Variants in MAN2A2 observed in about 807,000 individuals in gnomAD.
The protein encoded by MAN2A2 is alpha-mannosidase 2x.
A neutral mutation model predicts 126.8 loss-of-function variants in MAN2A2; 79 were observed. The observed-to-expected ratio is 0.62, with a 90% CI of 0.52 to 0.75. The LOEUF (loss-of-function observed/expected upper bound fraction) is 0.75. MAN2A2 is among the 30% of genes least tolerant of loss of function. MAN2A2 has a pLI of 0.00. For missense variants in MAN2A2, 1,392 were observed against 1,522.4 expected (o/e 0.91, Z 1.43); for synonymous variants, 671 against 618.7 (o/e 1.08, Z -1.25).
chr15:90,916,018 G>T, intron 19 of MAN2A2, 105 bp from the exon 20 acceptor site: 1 of 1,336,302 alleles, frequency 7.5e-7, no homozygotes, highest in Non-Finnish European at 1.0e-6. Context: ...TCTGTCTCTC[G>T]AGCTGCGCTT....
At chr15:90,910,386 C>A in intron 10 of MAN2A2, 94 bp downstream of exon 10, 1 of 1,570,604 alleles carries the variant, frequency 6.4e-7, no homozygotes. Flanking sequence ...AATAGATAGG[C>A]CCAGAGGCCA....
At chr15:90,903,982 G>A in intron 1 of MAN2A2, 1 of 608,048 alleles carries the variant, frequency 1.6e-6, no homozygotes, top group Non-Finnish European at 3.0e-6. Context: ...CATAGCACCA[G>A]CCAAAGGAGA....
Position 90,918,075 on chromosome 15 carries a change from C to T in MAN2A2, c.2995-119C>T, listed in dbSNP as rs1266484. Reference sequence around the variant, plus strand: ...CTGGAGCCAGGCGTGCCCTTGAGTCCAGGCACACCAGGAAAGGTCTTTCCA... The same window carrying T: ...CTGGAGCCAGGCGTGCCCTTGAGTCTAGGCACACCAGGAAAGGTCTTTCCA... On this transcript the variant is annotated intron_variant, in intron 20 of 22. Coordinates refer to ENST00000559717, the MANE Select transcript of MAN2A2 (RefSeq NM_006122.4). 5.1e-3 allele frequency: 4,893 copies of T among 952,758 alleles called. 116 individuals carry two copies. The African/African-American group carries it at 0.063, about 12-fold the overall frequency. The allele number at this position is 952,758 out of a possible 1,614,324, so 59.0% of individuals were successfully genotyped here.
In MAN2A2 at chr15:90,916,207, C is replaced by T. The variant is rs778831892; in HGVS notation, c.2945C>T (p.Thr982Ile). 2.4e-5 allele frequency: 39 copies of T among 1,614,048 alleles called. No homozygotes were observed. The Middle Eastern group carries it at 4.9e-4, about 20-fold the overall frequency. Residue 982 changes from threonine (T) to isoleucine (I), a missense_variant, in exon 20 of 23, where the codon ACC becomes ATC. By Grantham distance (89) the Thr-to-Ile change is moderately conservative. Transcript: ENST00000559717. ...CAAGGGCTCAAGGACAACAAGAGAACCTGCAACCGTTTCCGCCTCCTGCTA... is the reference window on the plus strand; with the variant it reads ...CAAGGGCTCAAGGACAACAAGAGAATCTGCAACCGTTTCCGCCTCCTGCTA... ...LGQGLKDNKR[T>I]CNRFRLLLER...
rs538179424 is a variant in MAN2A2, at chr15:90,907,174, A to T, written c.1010-135A>T. ...CCCCTCATGTCTTTCTCCCTGGCCT[A>T]CACACTCTCTCCAGCCCTAGGTCCA... On this transcript the variant is annotated intron_variant, in intron 7 of 22. Coordinates refer to ENST00000559717, the MANE Select transcript of MAN2A2 (RefSeq NM_006122.4). The T allele has an allele frequency of 4.2e-6, 4 of 950,516 alleles. No homozygotes were observed. In the South Asian group the frequency reaches 6.3e-5, roughly 15 times the overall value. 58.9% of individuals were successfully genotyped at this position (950,516 alleles called of 1,614,324 possible). A position where few individuals can be genotyped will look rare whatever the true frequency, so the allele number is the denominator to read the frequency against.
chr15:90,917,918 G>A (rs972116359), intron 20 of MAN2A2: 2 of 409,844 alleles, frequency 4.9e-6, no homozygotes, highest in Non-Finnish European at 9.0e-6. Context: ...ATGGCTGATG[G>A]GAGTGGGTTG....
intron 2 of MAN2A2, 130 bp downstream of exon 2, chr15:90,904,469 C>A: frequency 9.5e-7 from 1 of 1,048,324 alleles, no homozygotes; most frequent in Non-Finnish European, 1.3e-6. Flanking sequence ...AGGAGCCTTC[C>A]TTCCCAATAG....
At chr15:90,911,011 C>T in intron 12 of MAN2A2, 50 bp downstream of exon 12, 2 of 1,543,788 alleles carry the variant, frequency 1.3e-6, no homozygotes, top group Non-Finnish European at 1.8e-6. Context: ...GTGCAGGTCC[C>T]ATCCCAAGAG....
At chr15:90,916,465 A>G in intron 20 of MAN2A2, 1 of 1,116,778 alleles carries the variant, frequency 9.0e-7, no homozygotes, top group Non-Finnish European at 1.3e-6. Flanking sequence ...GCGCTCTGTC[A>G]CCTGTGCCCC....
rs768477616 is a variant in MAN2A2, at chr15:90,904,204, C to A, written c.-4C>A. ...CTTCCTGCCAGGTGTGTGTGGAGGC[C>A]AGTATGAAGCTGAAAAAGCAGGTGA... is the stretch of plus-strand genomic sequence containing the variant. On this transcript the variant is annotated 5_prime_UTR_variant, in exon 2 of 23. Transcript: ENST00000559717. 1.2e-6 allele frequency: 2 copies of A among 1,614,124 alleles called. No individual in the cohort carries two copies. The highest frequency in any genetic ancestry group is 1.7e-5 in the Admixed American group (1 of 60,016).
chr15:90,902,700 C>A (rs931188291), upstream of MAN2A2: 1 of 148,832 alleles, frequency 6.7e-6, no homozygotes, highest in East Asian at 2.0e-4. Context: ...ACACGCAGGC[C>A]GGGGCGGGCG....
chr15:90,913,679 G>A lies in MAN2A2; in HGVS notation c.2784G>A (p.Met928Ile). 1.2e-6 allele frequency: 2 copies of A among 1,611,256 alleles called. No individual in the cohort carries two copies. Among genetic ancestry groups the A allele is most frequent in the South Asian group, 1.1e-5 (1 of 90,382 alleles). The change falls in exon 19 of 23, where the codon ATG (methionine) becomes ATA (isoleucine). Residue 928 changes from methionine to isoleucine, a missense_variant. Coordinates refer to ENST00000559717, the MANE Select transcript of MAN2A2 (RefSeq NM_006122.4). Reference sequence around the variant, plus strand: ...CCAACTTCTACCCCATGCCAGTCATGGCCTATATCCAGGACGCACAGAAGC... The same window carrying A: ...CCAACTTCTACCCCATGCCAGTCATAGCCTATATCCAGGACGCACAGAAGC... ...LQANFYPMPV[M>I]AYIQDAQKRL...
chr15:90,912,819 C>T (rs1010794080), intron 16 of MAN2A2, 58 bp from the exon 17 acceptor site: 16 of 1,557,286 alleles, frequency 1.0e-5, no homozygotes, highest in Non-Finnish European at 1.4e-5. Context: ...CCTGGGCTGG[C>T]ACCTTCCTGC....
At position 90,916,108 on chromosome 15, in the gene MAN2A2, T is replaced by A. The variant is rs768558012; in HGVS notation, c.2861-15T>A. The A allele has an allele frequency of 6.2e-7, 1 of 1,613,544 alleles. No individual in the cohort carries two copies. The highest frequency in any genetic ancestry group is 8.5e-7 in the Non-Finnish European group (1 of 1,179,820). On this transcript the variant is annotated splice_polypyrimidine_tract_variant and intron_variant, in intron 19 of 22. Transcript: ENST00000559717. ...GGGGTGGGGGCGGGCCAGCACTCAC[T>A]GTTTGCTTCCCCAGGCCAGCTGGAG...
rs188356991 is a variant in MAN2A2 at position 90,912,026 on chromosome 15, C to T, written c.2110-17C>T. On this transcript the variant is annotated splice_polypyrimidine_tract_variant and intron_variant, in intron 14 of 22. Transcript: ENST00000559717. ...GAAAGCCGTGCCCCCACTTCCTCAC[C>T]CCTCCTGTGCCCACAGGTGTCTGTG... 1.1e-3 allele frequency: 1,812 copies of T among 1,601,440 alleles called. 4 individuals carry two copies. The highest frequency in any genetic ancestry group is 1.4e-3 in the Non-Finnish European group (1,674 of 1,171,744).
chr15:90,908,824 C>T (rs1218738081), intron 8 of MAN2A2, among the ~76,000 whole-genome samples: 1 of 152,170 alleles, frequency 6.6e-6, no homozygotes, highest in Non-Finnish European at 1.5e-5. Context: ...GATCTGCCTG[C>T]CCCGGTCTCC....
At position 90,918,661 on chromosome 15, in the gene MAN2A2, C is replaced by T. The variant is rs374790154; in HGVS notation, c.3206C>T (p.Ser1069Leu). The T allele has an allele frequency of 1.0e-4, 155 of 1,519,292 alleles. No individual in the cohort carries two copies. Among genetic ancestry groups the T allele is most frequent in the Admixed American group, 2.5e-4 (15 of 59,818 alleles). The allele number at this position is 1,519,292 out of a possible 1,614,324, so 94.1% of individuals were successfully genotyped here. A position where few individuals can be genotyped will look rare whatever the true frequency, so the allele number is the denominator to read the frequency against. Residue 1069 changes from serine to leucine, a missense_variant, in exon 22 of 23, where the codon TCG (serine) becomes TTG (leucine). Physicochemically the swap from Ser to Leu is moderately radical, Grantham distance 145. Transcript: ENST00000559717. Reference sequence around the variant, plus strand: ...GTCATCCAGGAGGACACCCTACCCTCGGCGGAGACCGCACTCATCTTACAC... The same window carrying T: ...GTCATCCAGGAGGACACCCTACCCTTGGCGGAGACCGCACTCATCTTACAC... ...TLQAEEDTLP[S>L]AETALILHRK... is the part of the protein sequence containing the mutation.
At chr15:90,909,297 G>C (rs776667944) in intron 8 of MAN2A2, 30 bp from the exon 9 acceptor site, 2 of 1,591,528 alleles carry the variant, frequency 1.3e-6, no homozygotes, top group South Asian at 1.1e-5. Context: ...GAGACTTCGT[G>C]GTGGGCCCAT....
chr15:90,909,555 C>T (rs2034558557), intron 9 of MAN2A2, 51 bp downstream of exon 9: 4 of 1,542,784 alleles, frequency 2.6e-6, no homozygotes, highest in African/African-American at 2.8e-5. Context: ...GCAGCCCATC[C>T]CTTCCCGTGA....
Sources: allele counts gnomAD v4.1 joint callset (sites outside exome capture counted in the v4.1 genomes callset), GRCh38; gene constraint gnomAD v4.1.1; transcripts MANE v1.5; gene names NCBI Gene and HGNC (gene_info 2026-07-23, HGNC 2026-07-21).